LYN: variants seen among roughly 807,000 people sequenced by gnomAD.
The protein encoded by LYN is LYN proto-oncogene, Src family tyrosine kinase.
In LYN, 12 loss-of-function variants were observed where a neutral mutation model predicts 65.0. The observed-to-expected ratio is 0.18, with a 90% CI of 0.12 to 0.30. LYN has a LOEUF of 0.30. Among genes scored for constraint, LYN ranks in the 10% least tolerant of loss-of-function variants. The probability of loss-of-function intolerance (pLI) is 1.00; values close to 1 mark genes in which losing one functional copy is unlikely to be tolerated. For synonymous variants in LYN, 222 were observed against 221.2 expected (o/e 1.00, Z -0.03); for missense variants, 380 against 623.2 (o/e 0.61, Z 4.16).
At chr8:55,916,306 T>G (rs1399092865) in intron 1 of LYN, among the ~76,000 whole-genome samples, 1 of 152,194 alleles carries the variant, frequency 6.6e-6, no homozygotes, top group Non-Finnish European at 1.5e-5. Context: ...TTAACATCAG[T>G]AAACTGCAAC....
At chr8:56,003,759 A>C (rs561059895) in intron 12 of LYN, among the ~76,000 whole-genome samples, 10 of 151,964 alleles carry the variant, frequency 6.6e-5, no homozygotes, top group Non-Finnish European at 1.3e-4. Flanking sequence ...AAGAAAAAAG[A>C]AAGTCACATA....
intron 8 of LYN, 121 bp from the exon 9 acceptor site, chr8:55,966,594 C>T: frequency 1.3e-6 from 1 of 742,684 alleles, no homozygotes; most frequent in Non-Finnish European, 2.1e-6. Flanking sequence ...TTTCGAACTC[C>T]TGACATCAGG....
At chr8:55,996,250 G>C (rs772694386) in intron 10 of LYN, among the ~76,000 whole-genome samples, 1 of 152,250 alleles carries the variant, frequency 6.6e-6, no homozygotes, top group East Asian at 1.9e-4. Flanking sequence ...GAAGGCCCAC[G>C]GGGCAGAAGG....
intron 2 of LYN, among the ~76,000 whole-genome samples, chr8:55,943,849 G>A (rs1010526177): frequency 1.3e-5 from 2 of 151,968 alleles, no homozygotes; most frequent in South Asian, 2.1e-4. Flanking sequence ...TTGGGAGGCC[G>A]AGGCAGGTGC....
intron 1 of LYN, among the ~76,000 whole-genome samples, chr8:55,937,847 C>G (rs1806480797): frequency 6.6e-6 from 1 of 152,080 alleles, no homozygotes; most frequent in African/African-American, 2.4e-5. Context: ...AGACGGGTGC[C>G]ACCACACCCG....
intron 8 of LYN, among the ~76,000 whole-genome samples, chr8:55,963,118 C>T (rs11992596): frequency 0.011 from 1,658 of 152,348 alleles, 30 homozygotes; most frequent in African/African-American, 0.038. Context: ...GGACAAACAT[C>T]CAAACTATAT....
chr8:55,962,235 T>C (rs1807306191), intron 8 of LYN, among the ~76,000 whole-genome samples: 1 of 152,198 alleles, frequency 6.6e-6, no homozygotes, highest in Admixed American at 6.5e-5. Context: ...ATCCATGCTT[T>C]TGGGTGTGGC....
At position 55,941,985 on chromosome 8, in the gene LYN, A is replaced by G. The variant is rs1806625142; in HGVS notation, c.126A>G (p.Gln42=). 1.9e-6 allele frequency: 3 copies of G among 1,613,428 alleles called. No individual in the cohort carries two copies. Among genetic ancestry groups the G allele is most frequent in the East Asian group, 2.2e-5 (1 of 44,846 alleles). The part of the protein sequence containing the change: ...YVRDPTSNKQ[Q]RPVPESQLLP... ...GAGATCCAACGTCCAATAAACAGCA[A>G]AGGCCAGTAAGTAGATAGTCTCAGG... The change falls in exon 2 of 13, where the codon CAA becomes CAG. Residue 42 remains glutamine, a synonymous_variant. Coordinates refer to ENST00000519728, the MANE Select transcript of LYN (RefSeq NM_002350.4).
Position 55,946,556 on chromosome 8 carries a change from G to A in LYN, c.178+63G>A. ...TTTACTATTAGAGCTTCTATAAAGT[G>A]ATTGTCCTAAATGTTTTTATTTTTT... On this transcript the variant is annotated intron_variant, in intron 3 of 12. Transcript: ENST00000519728. 6 of 1,002,136 alleles carry A rather than the reference G, an allele frequency of 6.0e-6. No individual in the cohort carries two copies. In the South Asian group the frequency reaches 8.3e-5, roughly 14 times the overall value. 62.1% of individuals were successfully genotyped at this position (1,002,136 alleles called of 1,614,324 possible).
chr8:56,003,631 G>A (rs980778375), intron 12 of LYN, among the ~76,000 whole-genome samples: 5 of 150,338 alleles, frequency 3.3e-5, no homozygotes, highest in Non-Finnish European at 5.9e-5. Flanking sequence ...GCCGAGATGC[G>A]CCACTGCACT....
intron 10 of LYN, among the ~76,000 whole-genome samples, chr8:55,983,847 T>C (rs1230807213): frequency 6.6e-6 from 1 of 152,228 alleles, no homozygotes; most frequent in Admixed American, 6.5e-5. Flanking sequence ...AGTGATTCCA[T>C]TGAAAGCATT....
At chr8:55,991,333 C>T (rs1808242094) in intron 10 of LYN, among the ~76,000 whole-genome samples, 1 of 152,220 alleles carries the variant, frequency 6.6e-6, no homozygotes, top group Non-Finnish European at 1.5e-5. Flanking sequence ...CTCTGGTCCA[C>T]TTGTGCCTCT....
intron 9 of LYN, 81 bp downstream of exon 9, chr8:55,966,978 A>G (rs1807477789): frequency 5.3e-6 from 7 of 1,332,926 alleles, no homozygotes; most frequent in Admixed American, 4.8e-5. Flanking sequence ...AGGTCACTCA[A>G]CTAGTTTAAT....
At chr8:55,969,196 T>C (rs1048582697) in intron 9 of LYN, among the ~76,000 whole-genome samples, 1 of 152,168 alleles carries the variant, frequency 6.6e-6, no homozygotes, top group East Asian at 1.9e-4. Context: ...TTGCTTGAGC[T>C]TGGGAGGCTG....
At chr8:55,903,921 G>A (rs1805350347) in intron 1 of LYN, among the ~76,000 whole-genome samples, 1 of 152,116 alleles carries the variant, frequency 6.6e-6, no homozygotes, top group African/African-American at 2.4e-5. Context: ...TTGGGAGGCT[G>A]AGATGGGAGG....
At chr8:55,898,991 AT>A (rs60513869) in intron 1 of LYN, among the ~76,000 whole-genome samples, 66,231 of 151,784 alleles carry the variant, frequency 0.44, 15,136 homozygotes, top group Middle Eastern at 0.55. Flanking sequence ...TGCTGGGCTA[AT>A]TTTTTTTATT....
intron 9 of LYN, among the ~76,000 whole-genome samples, chr8:55,967,150 C>A (rs1807482300): frequency 6.7e-6 from 1 of 149,726 alleles, no homozygotes; most frequent in Non-Finnish European, 1.5e-5. Flanking sequence ...AGAATAGTAC[C>A]CCATATCTAG....
intron 1 of LYN, among the ~76,000 whole-genome samples, chr8:55,893,032 C>A (rs903997425): frequency 6.6e-6 from 1 of 151,914 alleles, no homozygotes; most frequent in Admixed American, 6.6e-5. Flanking sequence ...AATTGAAAAG[C>A]AGTACAAAGC....
At chr8:55,970,756 G>A (rs761355488) in intron 10 of LYN, among the ~76,000 whole-genome samples, 1 of 152,096 alleles carries the variant, frequency 6.6e-6, no homozygotes, top group Non-Finnish European at 1.5e-5. Flanking sequence ...AGAGCATCGT[G>A]GGCTAAGCTG....
Sources: allele counts gnomAD v4.1 joint callset (sites outside exome capture counted in the v4.1 genomes callset), GRCh38; gene constraint gnomAD v4.1.1; transcripts MANE v1.5; gene names NCBI Gene and HGNC (gene_info 2026-07-23, HGNC 2026-07-21).